Variants in PPFIA2 observed in about 807,000 individuals in gnomAD.
PPFIA2 encodes liprin-alpha-2.
A neutral mutation model predicts 175.5 loss-of-function variants in PPFIA2; 46 were observed. The ratio of observed to expected loss-of-function variants is 0.26; its 90% CI spans 0.21 to 0.34. The LOEUF (loss-of-function observed/expected upper bound fraction) is 0.34. Ranked by LOEUF, PPFIA2 falls within the 10% of genes least tolerant of loss-of-function variation. PPFIA2 has a pLI of 1.00. For synonymous variants in PPFIA2, 568 were observed against 511.4 expected, an observed-to-expected ratio of 1.11 and a Z score of -1.49; for missense variants, 1,179 against 1,506.1, an observed-to-expected ratio of 0.78 and a Z score of 3.60.
At chr12:81,575,915 T>G (rs2073445197) in intron 4 of PPFIA2, among the ~76,000 whole-genome samples, 1 of 151,810 alleles carries the variant, frequency 6.6e-6, no homozygotes, top group Admixed American at 6.6e-5. Context: ...TTCTGCCATT[T>G]TAAGCATGTG....
intron 7 of PPFIA2, among the ~76,000 whole-genome samples, chr12:81,418,307 A>C (rs2143497028): frequency 6.6e-6 from 1 of 151,840 alleles, no homozygotes; most frequent in African/African-American, 2.4e-5. Context: ...AGGTTTTTTT[A>C]TTTACCACTT....
chr12:81,649,748 A>G (rs929199206), intron 4 of PPFIA2, among the ~76,000 whole-genome samples: 3 of 152,214 alleles, frequency 2.0e-5, no homozygotes. Flanking sequence ...ATACCGCAAA[A>G]CCATAGAAGA....
chr12:81,534,351 C>A (rs1457506933), intron 4 of PPFIA2, among the ~76,000 whole-genome samples: 1 of 151,504 alleles, frequency 6.6e-6, no homozygotes, highest in Non-Finnish European at 1.5e-5. Flanking sequence ...ACGTTCCCAC[C>A]ACATAAAATT....
chr12:81,436,279 TAAAAAAAAAAAAAAAAAAAAAA>T (rs763809833), intron 7 of PPFIA2, among the ~76,000 whole-genome samples: 61 of 44,798 alleles, frequency 1.4e-3, no homozygotes, highest in South Asian at 9.8e-3. Context: ...AGACCCTGTC[TAAAAAAAAAAAAAAAAAAAAAA>T]AAAAAAAAAA....
intron 19 of PPFIA2, among the ~76,000 whole-genome samples, chr12:81,342,657 C>A (rs538908522): frequency 6.6e-6 from 1 of 152,084 alleles, no homozygotes; most frequent in Non-Finnish European, 1.5e-5. Context: ...CCTTTTTAAA[C>A]CCACAACCCA....
intron 22 of PPFIA2, among the ~76,000 whole-genome samples, chr12:81,306,455 C>A (rs1233783824): frequency 6.7e-6 from 1 of 149,960 alleles, no homozygotes; most frequent in African/African-American, 2.4e-5. Context: ...AATATGATTA[C>A]AAAAGTAACT....
At chr12:81,407,299 A>G (rs1382551491) in intron 7 of PPFIA2, among the ~76,000 whole-genome samples, 3 of 152,018 alleles carry the variant, frequency 2.0e-5, no homozygotes, top group Non-Finnish European at 4.4e-5. Flanking sequence ...ACCCTGGCCA[A>G]CTGGTGAAAC....
chr12:81,372,513 G>GAAAAAAAAAAAAAAAAAAAAAAAAA (rs3075257), intron 11 of PPFIA2, among the ~76,000 whole-genome samples: 1 of 93,630 alleles, frequency 1.1e-5, no homozygotes, highest in African/African-American at 3.3e-5. Flanking sequence ...AATTGAAACA[G>GAAAAAAAAAAAAAAAAAAAAAAAAA]AAAAAAAAAA....
At chr12:81,345,589 TA>T (rs1199350396) in intron 18 of PPFIA2, among the ~76,000 whole-genome samples, 1 of 152,112 alleles carries the variant, frequency 6.6e-6, no homozygotes, top group South Asian at 2.1e-4. Flanking sequence ...CTTATGTTTA[TA>T]AAAAGACTTA....
At chr12:81,394,540 A>C (rs1206093960) in intron 8 of PPFIA2, among the ~76,000 whole-genome samples, 3 of 152,090 alleles carry the variant, frequency 2.0e-5, no homozygotes, top group African/African-American at 7.2e-5. Flanking sequence ...CATTCTCAGC[A>C]AACTAACACA....
chr12:81,459,716 G>T (rs960754548), intron 4 of PPFIA2, among the ~76,000 whole-genome samples: 11 of 152,206 alleles, frequency 7.2e-5, no homozygotes, highest in Admixed American at 7.2e-4. Flanking sequence ...AGAAAGCTCG[G>T]CCTTTTTTAT....
At position 81,642,791 on chromosome 12, in the gene PPFIA2, ATGTATATGTATGTATGTAT is replaced by A. The variant is rs1310111355; in HGVS notation, c.303+33981_303+33999del. Among the ~76,000 whole-genome samples, 21 of 41,472 alleles carry A rather than the reference ATGTATATGTATGTATGTAT, an allele frequency of 5.1e-4. 5 individuals carry two copies. The highest frequency in any genetic ancestry group is 2.5e-3 in the East Asian group (4 of 1,592). 27.2% of individuals were successfully genotyped at this position (41,472 alleles called of 152,430 possible). ...ATGTATGTATGTATTATATACATAC[ATGTATATGTATGTATGTAT>A]TACATACATGTATATGTATGTATGT... On this transcript the variant is annotated intron_variant, in intron 4 of 32. Transcript: ENST00000549396.
chr12:81,309,516 T>C (rs1409013699), intron 22 of PPFIA2, among the ~76,000 whole-genome samples: 1 of 152,146 alleles, frequency 6.6e-6, no homozygotes, highest in Non-Finnish European at 1.5e-5. Context: ...AAGCATACTG[T>C]GATTTTGTGT....
At chr12:81,441,787 G>T (rs969098741) in intron 6 of PPFIA2, among the ~76,000 whole-genome samples, 3 of 151,976 alleles carry the variant, frequency 2.0e-5, no homozygotes, top group African/African-American at 7.2e-5. Flanking sequence ...GTAAAATACG[G>T]GTGTCCTGAA....
intron 4 of PPFIA2, chr12:81,675,427 G>C (rs2072317992): frequency 6.6e-6 from 1 of 151,656 alleles, no homozygotes; most frequent in African/African-American, 2.4e-5. Flanking sequence ...TTTCTTAGAG[G>C]GTATGACAAA....
intron 4 of PPFIA2, among the ~76,000 whole-genome samples, chr12:81,631,705 G>C (rs898416620): frequency 3.9e-5 from 6 of 152,178 alleles, no homozygotes; most frequent in African/African-American, 9.7e-5. Context: ...ACTATTCAGT[G>C]TTCATGCTTC....
chr12:81,511,302 T>C (rs990343981), intron 4 of PPFIA2, among the ~76,000 whole-genome samples: 1 of 152,104 alleles, frequency 6.6e-6, no homozygotes, highest in African/African-American at 2.4e-5. Flanking sequence ...ACAGACACTT[T>C]GTGATGGGTG....
At chr12:81,698,901 T>A (rs1389736158) in intron 3 of PPFIA2, among the ~76,000 whole-genome samples, 2 of 152,132 alleles carry the variant, frequency 1.3e-5, no homozygotes, top group African/African-American at 4.8e-5. Flanking sequence ...CAATTAACAT[T>A]TGTTGTAATA....
chr12:81,620,513 T>C (rs943388537), intron 4 of PPFIA2, among the ~76,000 whole-genome samples: 1 of 152,102 alleles, frequency 6.6e-6, no homozygotes, highest in Non-Finnish European at 1.5e-5. Context: ...AAGCTTAAGG[T>C]GAGAGACAGC....
Sources: allele counts gnomAD v4.1 joint callset (sites outside exome capture counted in the v4.1 genomes callset), GRCh38; gene constraint gnomAD v4.1.1; transcripts MANE v1.5; gene names NCBI Gene and HGNC (gene_info 2026-07-23, HGNC 2026-07-21).